ATP2B1: variants seen among roughly 807,000 people sequenced by gnomAD.
ATP2B1 encodes the protein plasma membrane calcium-transporting ATPase 1.
Under a neutral mutation model 124.2 loss-of-function variants are expected in ATP2B1, and 14 were observed. The observed-to-expected ratio is 0.11, with a 90% CI of 0.07 to 0.18. The LOEUF (loss-of-function observed/expected upper bound fraction) is 0.18, where lower values mean the gene tolerates loss of function less well. Among genes scored for constraint, ATP2B1 ranks in the 10% least tolerant of loss-of-function variants. The probability of loss-of-function intolerance (pLI) is 1.00; values close to 1 mark genes in which losing one functional copy is unlikely to be tolerated. For missense variants in ATP2B1, 763 were observed against 1,466.1 expected (o/e 0.52, Z 7.83); for synonymous variants, 449 against 492.4 (o/e 0.91, Z 1.17).
chr12:89,591,100 G>C lies in ATP2B1; in HGVS notation c.3547C>G (p.Pro1183Ala). 6.2e-7 allele frequency: 1 copy of C among 1,613,120 alleles called. No individual in the cohort carries two copies. The highest frequency in any genetic ancestry group is 8.5e-7 in the Non-Finnish European group (1 of 1,179,352). The change falls in exon 21 of 21, where the codon CCC becomes GCC. Residue 1183 changes from proline (P) to alanine (A), a missense_variant. By Grantham distance (27) the Pro-to-Ala change is conservative. Coordinates refer to ENST00000428670, the MANE Select transcript of ATP2B1 (RefSeq NM_001366521.1). ...TCAACAGCATTGTTATTTTTGTTGG[G>C]AGAGGGTGGAGGACTGGAGTTACGT... ...TKRNSSPPPS[P>A]NKNNNAVDSG... is the part of the protein sequence containing the mutation.
At chr12:89,624,477 G>C in intron 8 of ATP2B1, 80 bp from the exon 9 acceptor site, 1 of 1,151,670 alleles carries the variant, frequency 8.7e-7, no homozygotes, top group Non-Finnish European at 1.2e-6. Flanking sequence ...ATTAAACACT[G>C]TAAAGAGTTA....
chr12:89,591,108 G>T lies in ATP2B1; in HGVS notation c.3539C>A (p.Pro1180Gln), dbSNP rs1329583707. 8 of 1,613,232 alleles carry T rather than the reference G, an allele frequency of 5.0e-6. No individual in the cohort carries two copies. The highest frequency in any genetic ancestry group is 1.7e-5 in the Admixed American group (1 of 59,956). The change falls in exon 21 of 21, where the codon CCA becomes CAA. Residue 1180 changes from proline to glutamine, a missense_variant. Physicochemically the swap from Pro to Gln is moderately conservative, Grantham distance 76. Transcript: ENST00000428670. ...DAPTKRNSSP[P>Q]PSPNKNNNAV... The stretch of plus-strand genomic sequence containing the variant: ...ATTGTTATTTTTGTTGGGAGAGGGT[G>T]GAGGACTGGAGTTACGTTTTGTAGG...
Position 89,589,715 on chromosome 12 carries a change from A to G in ATP2B1, c.*1269T>C, listed in dbSNP as rs1347103697. ...TGTTACCATCTTGAAATGTATTCCAATTGTGGTCAAAGAGAACAGACTGAT... is the reference window on the plus strand; with the variant it reads ...TGTTACCATCTTGAAATGTATTCCAGTTGTGGTCAAAGAGAACAGACTGAT... On this transcript the variant is annotated 3_prime_UTR_variant, in exon 21 of 21. Coordinates refer to ENST00000428670, the MANE Select transcript of ATP2B1 (RefSeq NM_001366521.1). 1.3e-5 allele frequency: 2 copies of G among 152,118 alleles called. No individual in the cohort carries two copies. Among genetic ancestry groups the G allele is most frequent in the African/African-American group, 4.8e-5 (2 of 41,424 alleles). 9.4% of individuals were successfully genotyped at this position (152,118 alleles called of 1,614,324 possible).
chr12:89,627,861 G>A (rs1881145362), intron 6 of ATP2B1, 145 bp from the exon 7 acceptor site: 2 of 841,398 alleles, frequency 2.4e-6, no homozygotes, highest in Admixed American at 5.0e-5. Flanking sequence ...GACTTGTGAT[G>A]ACCTGCTGGG....
intron 1 of ATP2B1, among the ~76,000 whole-genome samples, chr12:89,690,626 C>A (rs1276951446): frequency 6.6e-6 from 1 of 151,540 alleles, no homozygotes; most frequent in Non-Finnish European, 1.5e-5. Context: ...TTATTACTTA[C>A]CACTTACTAA....
At chr12:89,638,538 G>C (rs562609092) in intron 3 of ATP2B1, among the ~76,000 whole-genome samples, 4 of 152,296 alleles carry the variant, frequency 2.6e-5, no homozygotes, top group Admixed American at 6.5e-5. Context: ...TACAGAAGCA[G>C]ACAGGAGAAC....
In ATP2B1 at chr12:89,613,151, T is replaced by C. The variant is rs528361847; in HGVS notation, c.2068-1779A>G. Among the ~76,000 whole-genome samples the C allele has an allele frequency of 4.6e-5, 7 of 152,134 alleles. No homozygotes were observed. The South Asian group carries it at 1.5e-3, about 32-fold the overall frequency. On this transcript the variant is annotated intron_variant, in intron 12 of 20. Transcript: ENST00000428670. Reference sequence around the variant, plus strand: ...CACGCCACCATGCACAGCTAATTTTTTGTATTTTTGGTAGAGATGGGGTTT... The same window carrying C: ...CACGCCACCATGCACAGCTAATTTTCTGTATTTTTGGTAGAGATGGGGTTT...
At chr12:89,637,318 C>A (rs530498540) in intron 3 of ATP2B1, among the ~76,000 whole-genome samples, 7 of 152,106 alleles carry the variant, frequency 4.6e-5, no homozygotes, top group Non-Finnish European at 7.4e-5. Flanking sequence ...CTTTTAGCTG[C>A]GAGACATTAA....
At chr12:89,591,391 G>T in intron 20 of ATP2B1, 96 bp from the exon 21 acceptor site, 2 of 1,067,822 alleles carry the variant, frequency 1.9e-6, no homozygotes, top group Non-Finnish European at 2.7e-6. Flanking sequence ...AGCTAGGTAT[G>T]AGTGAATCAT....
intron 8 of ATP2B1, 45 bp from the exon 9 acceptor site, chr12:89,624,442 A>G (rs1450318984): frequency 6.7e-7 from 1 of 1,487,794 alleles, no homozygotes; most frequent in South Asian, 1.2e-5. Context: ...TTAAATTTCC[A>G]GACACTAACC....
intron 1 of ATP2B1, among the ~76,000 whole-genome samples, chr12:89,690,580 T>TA (rs1401262936): frequency 1.5e-3 from 214 of 145,576 alleles, no homozygotes; most frequent in Admixed American, 1.9e-3. Flanking sequence ...TTGCTTTTTT[T>TA]AAAAAAAAAA....
chr12:89,648,293 A>G (rs1483110024), intron 2 of ATP2B1, among the ~76,000 whole-genome samples: 1 of 152,210 alleles, frequency 6.6e-6, no homozygotes, highest in Admixed American at 6.5e-5. Context: ...TGATAGAGAT[A>G]TAAACACTGA....
At chr12:89,619,747 T>C (rs1207152211) in intron 11 of ATP2B1, among the ~76,000 whole-genome samples, 2 of 152,124 alleles carry the variant, frequency 1.3e-5, no homozygotes, top group Non-Finnish European at 2.9e-5. Context: ...GTATACTTCA[T>C]TAAACATACC....
intron 2 of ATP2B1, among the ~76,000 whole-genome samples, chr12:89,643,283 A>G: frequency 6.6e-6 from 1 of 151,784 alleles, no homozygotes; most frequent in South Asian, 2.1e-4. Flanking sequence ...TATTTGGTTC[A>G]GTTATATAGA....
At chr12:89,698,663 GA>G (rs59882356) in intron 1 of ATP2B1, among the ~76,000 whole-genome samples, 16,165 of 152,064 alleles carry the variant, frequency 0.11, 1,041 homozygotes, top group Middle Eastern at 0.16. Context: ...TTGTTTATGA[GA>G]AAAAAAGGAC....
intron 1 of ATP2B1, among the ~76,000 whole-genome samples, chr12:89,685,422 C>G (rs565391920): frequency 2.0e-5 from 3 of 152,258 alleles, no homozygotes; most frequent in Admixed American, 2.0e-4. Flanking sequence ...AGGACAGTTT[C>G]CCTTATTTCA....
At position 89,681,381 on chromosome 12, in the gene ATP2B1, A is replaced by ATTTT. The variant is rs201477706; in HGVS notation, c.-221-25275_-221-25274insAAAA. 2.8e-5 allele frequency among the ~76,000 whole-genome samples: 4 copies of ATTTT among 142,034 alleles called. 1 individual carries two copies. Among genetic ancestry groups the ATTTT allele is most frequent in the Non-Finnish European group, 4.6e-5 (3 of 65,176 alleles). 93.2% of individuals were successfully genotyped at this position (142,034 alleles called of 152,430 possible). A position where few individuals can be genotyped will look rare whatever the true frequency, so the allele number is the denominator to read the frequency against. The stretch of plus-strand genomic sequence containing the variant: ...AATGTTGCAAAGAAAAATCCCTATA[A>ATTTT]ATTTTTTTTTTTTTTTTGAGACACA... On this transcript the variant is annotated intron_variant, in intron 1 of 20. Coordinates refer to ENST00000428670, the MANE Select transcript of ATP2B1 (RefSeq NM_001366521.1).
chr12:89,658,693 CT>C (rs1886316399), intron 1 of ATP2B1, among the ~76,000 whole-genome samples: 1 of 148,310 alleles, frequency 6.7e-6, no homozygotes, highest in African/African-American at 2.5e-5. Flanking sequence ...AATTGAGCCC[CT>C]GGGTCAATCA....
At chr12:89,599,799 A>G (rs12099904) in intron 19 of ATP2B1, among the ~76,000 whole-genome samples, 13 of 152,292 alleles carry the variant, frequency 8.5e-5, no homozygotes, top group African/African-American at 2.9e-4. Context: ...ACAGTTTAAA[A>G]TTGGATTAGT....
Sources: allele counts gnomAD v4.1 joint callset (sites outside exome capture counted in the v4.1 genomes callset), GRCh38; gene constraint gnomAD v4.1.1; transcripts MANE v1.5; gene names NCBI Gene and HGNC (gene_info 2026-07-23, HGNC 2026-07-21).